The following ZNF521 variants were observed in gnomAD, a reference collection of about 807,000 sequenced individuals.
The protein encoded by ZNF521 is zinc finger protein 521.
In ZNF521, 14 loss-of-function variants were observed where a neutral mutation model predicts 105.5. The ratio of observed to expected loss-of-function variants is 0.13; its 90% CI spans 0.09 to 0.21. ZNF521 has a LOEUF of 0.21. Among genes scored for constraint, ZNF521 ranks in the 10% least tolerant of loss-of-function variants. ZNF521 has a pLI of 1.00. For synonymous variants in ZNF521, 635 were observed against 606.0 expected, an observed-to-expected ratio of 1.05 and a Z score of -0.70; for missense variants, 1,233 against 1,629.7, an observed-to-expected ratio of 0.76 and a Z score of 4.19.
intron 2 of ZNF521, among the ~76,000 whole-genome samples, chr18:25,334,950 G>A (rs998530269): frequency 3.9e-5 from 6 of 152,124 alleles, no homozygotes; most frequent in African/African-American, 1.4e-4. Flanking sequence ...ACATTTTACT[G>A]GTAAGAAAAC....
Position 25,207,026 on chromosome 18 carries a change from A to AT in ZNF521, c.3574-11783dup, listed in dbSNP as rs548398662. Among the ~76,000 whole-genome samples the AT allele has an allele frequency of 9.3e-4, 142 of 152,172 alleles. 2 individuals are homozygous for AT. In the East Asian group the frequency reaches 0.021, roughly 23 times the overall value. On this transcript the variant is annotated intron_variant, in intron 4 of 7. Coordinates refer to ENST00000361524, the MANE Select transcript of ZNF521 (RefSeq NM_015461.3). ...CCTTGATTTAACTAAAATTATCTAG[A>AT]TTTTTCAAAACCTTCCCCATTCATT...
intron 3 of ZNF521, among the ~76,000 whole-genome samples, chr18:25,292,216 T>C (rs1259838212): frequency 1.3e-5 from 2 of 152,202 alleles, no homozygotes; most frequent in African/African-American, 4.8e-5. Flanking sequence ...TTTTGCTGTA[T>C]CCCATATCAA....
intron 2 of ZNF521, among the ~76,000 whole-genome samples, chr18:25,338,978 G>C (rs1282137673): frequency 6.6e-6 from 1 of 152,152 alleles, no homozygotes; most frequent in Non-Finnish European, 1.5e-5. Flanking sequence ...CCAGATATTT[G>C]AAAGTTAACA....
chr18:25,115,292 A>G (rs1321556594), intron 5 of ZNF521, among the ~76,000 whole-genome samples: 1 of 152,236 alleles, frequency 6.6e-6, no homozygotes, highest in East Asian at 1.9e-4. Flanking sequence ...ATTTCACTAA[A>G]TAATACGATC....
rs765758176 is a variant in ZNF521 at position 25,322,054 on chromosome 18, C to A, written c.174G>T (p.Ser58=). The A allele has an allele frequency of 4.3e-6, 7 of 1,613,996 alleles. No individual in the cohort carries two copies. Among genetic ancestry groups the A allele is most frequent in the Non-Finnish European group, 5.9e-6 (7 of 1,180,026 alleles). The change falls in exon 3 of 8, where the codon TCG becomes TCT. Residue 58 remains serine (S), a synonymous_variant. Transcript: ENST00000361524. ...SCDSCLQVFE[S]LSDITEHKIN... Reference sequence around the variant, plus strand: ...TCTTGTGTTCTGTGATATCGCTCAGCGATTCAAACACCTGGAGGCAGCTGT... The same window carrying A: ...TCTTGTGTTCTGTGATATCGCTCAGAGATTCAAACACCTGGAGGCAGCTGT...
intron 3 of ZNF521, among the ~76,000 whole-genome samples, chr18:25,286,005 G>A (rs943242399): frequency 2.0e-5 from 3 of 152,206 alleles, no homozygotes; most frequent in Admixed American, 6.5e-5. Flanking sequence ...AGTGATGTAC[G>A]ACTTAATAAC....
chr18:25,091,805 TA>T, intron 6 of ZNF521, 144 bp downstream of exon 6: 1 of 1,007,380 alleles, frequency 9.9e-7, no homozygotes, highest in Non-Finnish European at 1.4e-6. Context: ...ATAATGCTAA[TA>T]AAGCAGAAAT....
At chr18:25,091,804 A>G in intron 6 of ZNF521, 146 bp downstream of exon 6, 1 of 1,002,552 alleles carries the variant, frequency 1.0e-6, no homozygotes, top group South Asian at 1.8e-5. Flanking sequence ...AATAATGCTA[A>G]TAAAGCAGAA....
chr18:25,211,743 A>C (rs987656176), intron 4 of ZNF521, among the ~76,000 whole-genome samples: 1 of 152,134 alleles, frequency 6.6e-6, no homozygotes, highest in Non-Finnish European at 1.5e-5. Context: ...GTTGCTGAAC[A>C]TATTTTATTT....
chr18:25,180,379 G>A (rs979545378), intron 5 of ZNF521, among the ~76,000 whole-genome samples: 26 of 152,074 alleles, frequency 1.7e-4, no homozygotes, highest in Admixed American at 7.2e-4. Flanking sequence ...CAGTGGTTCT[G>A]GGATACAGGA....
chr18:25,196,684 G>A (rs1448618167), intron 4 of ZNF521, among the ~76,000 whole-genome samples: 1 of 151,598 alleles, frequency 6.6e-6, no homozygotes, highest in East Asian at 1.9e-4. Context: ...CAATCACCAA[G>A]GAAGATTGAC....
intron 3 of ZNF521, among the ~76,000 whole-genome samples, chr18:25,280,760 T>A (rs1002739561): frequency 2.6e-5 from 4 of 152,344 alleles, no homozygotes; most frequent in Non-Finnish European, 5.9e-5. Flanking sequence ...AAAGCAAAAG[T>A]AAATGGTATT....
chr18:25,111,311 T>G (rs1265952862), intron 5 of ZNF521, among the ~76,000 whole-genome samples: 2 of 152,188 alleles, frequency 1.3e-5, no homozygotes, highest in Non-Finnish European at 2.9e-5. Flanking sequence ...CACACTGTCC[T>G]TACTAATCTA....
At chr18:25,165,862 C>A (rs1290012306) in intron 5 of ZNF521, among the ~76,000 whole-genome samples, 2 of 152,208 alleles carry the variant, frequency 1.3e-5, no homozygotes, top group Non-Finnish European at 2.9e-5. Context: ...GATTCTAGCA[C>A]ATGTGCATAA....
rs142995623 is a variant in ZNF521, at chr18:25,282,546, T to C, written c.220+39462A>G. Among the ~76,000 whole-genome samples, 920 of 152,100 alleles carry C rather than the reference T, an allele frequency of 6.0e-3. 11 individuals are homozygous for C. The highest frequency in any genetic ancestry group is 0.018 in the African/African-American group (730 of 41,498). ...AGTATACAGGTAATAAAGTGTGAGC[T>C]TGCACATGGAGGGGGCGGTGCATGG... On this transcript the variant is annotated intron_variant, in intron 3 of 7. Transcript: ENST00000361524.
At chr18:25,289,197 G>A (rs1288701446) in intron 3 of ZNF521, among the ~76,000 whole-genome samples, 1 of 152,210 alleles carries the variant, frequency 6.6e-6, no homozygotes, top group African/African-American at 2.4e-5. Flanking sequence ...AACCATGGTG[G>A]TTAATCCCTA....
At chr18:25,164,507 G>C (rs2035303449) in intron 5 of ZNF521, among the ~76,000 whole-genome samples, 1 of 152,188 alleles carries the variant, frequency 6.6e-6, no homozygotes, top group Non-Finnish European at 1.5e-5. Flanking sequence ...AAAGAAACTA[G>C]GAAGATCAAA....
intron 3 of ZNF521, among the ~76,000 whole-genome samples, chr18:25,309,557 T>G (rs1912179549): frequency 6.6e-6 from 1 of 152,206 alleles, no homozygotes; most frequent in African/African-American, 2.4e-5. Flanking sequence ...ATATGTAATA[T>G]TGAATATAAA....
chr18:25,199,369 G>A (rs116293124), intron 4 of ZNF521, among the ~76,000 whole-genome samples: 4,102 of 151,886 alleles, frequency 0.027, 191 homozygotes, highest in African/African-American at 0.093. Flanking sequence ...GATTTGGGGG[G>A]AGGGGGTGGA....
Sources: gnomAD v4.1 joint callset for allele counts (sites outside exome capture counted in the v4.1 genomes callset) on GRCh38, gnomAD v4.1.1 for gene constraint, MANE v1.5 for transcripts, NCBI Gene and HGNC (gene_info 2026-07-23, HGNC 2026-07-21) for gene names.